Variants in NIPAL1 observed in about 807,000 individuals in gnomAD.
NIPAL1 encodes magnesium transporter NIPA3.
Under a neutral mutation model 37.7 loss-of-function variants are expected in NIPAL1, and 35 were observed. The ratio of observed to expected loss-of-function variants is 0.93; its 90% confidence interval spans 0.71 to 1.23. The LOEUF (loss-of-function observed/expected upper bound fraction) is 1.23, where lower values mean the gene tolerates loss of function less well. NIPAL1 is among the 50% of genes most tolerant of loss of function. The probability of loss-of-function intolerance (pLI) is 0.00; values close to 1 mark genes in which losing one functional copy is unlikely to be tolerated. For missense variants in NIPAL1, 412 were observed against 473.9 expected, an observed-to-expected ratio of 0.87 and a Z score of 1.21; for synonymous variants, 162 against 183.0, an observed-to-expected ratio of 0.89 and a Z score of 0.93.
intron 1 of NIPAL1, among the ~76,000 whole-genome samples, chr4:48,024,305 G>A (rs187470799): frequency 2.0e-5 from 3 of 151,918 alleles, no homozygotes; most frequent in Admixed American, 6.6e-5. Flanking sequence ...TTTCGAGACA[G>A]GGTCTTGCTG....
chr4:48,019,215 GTTGACCAGGCTGGTC>G (rs1439366495), intron 1 of NIPAL1, among the ~76,000 whole-genome samples: 1 of 152,108 alleles, frequency 6.6e-6, no homozygotes. Flanking sequence ...GTTTCACTGT[GTTGACCAGGCTGGTC>G]TTGAACTCCT....
Position 48,017,249 on chromosome 4 carries a change from T to A in NIPAL1, c.46+364T>A, listed in dbSNP as rs559421974. Among the ~76,000 whole-genome samples the A allele has an allele frequency of 6.2e-4, 95 of 152,232 alleles. 1 individual carries two copies. In the South Asian group the frequency reaches 0.012, roughly 20 times the overall value. ...GAAGGACGTTTCCTCTGACTCAGGC[T>A]CCCTTCCAGAGTCTGCGGCCGACGT... On this transcript the variant is annotated intron_variant, in intron 1 of 5. Transcript: ENST00000295461.
chr4:48,023,856 C>A (rs1257006169), intron 1 of NIPAL1, among the ~76,000 whole-genome samples: 2 of 151,934 alleles, frequency 1.3e-5, no homozygotes, highest in African/African-American at 4.8e-5. Flanking sequence ...GATTAACAGA[C>A]CTGAAAAATC....
chr4:48,035,540 A>G, intron 5 of NIPAL1, 22 bp from the exon 6 acceptor site: 2 of 1,585,450 alleles, frequency 1.3e-6, no homozygotes, highest in Non-Finnish European at 1.7e-6. Context: ...TCTAAAGTCA[A>G]ATTCTTTTCT....
At chr4:48,026,875 C>G (rs772528749) in intron 2 of NIPAL1, among the ~76,000 whole-genome samples, 3 of 151,872 alleles carry the variant, frequency 2.0e-5, no homozygotes, top group Non-Finnish European at 4.4e-5. Context: ...TGCACCATCA[C>G]GCCCAGCTAA....
intron 3 of NIPAL1, among the ~76,000 whole-genome samples, chr4:48,032,084 C>A (rs1715833687): frequency 6.6e-6 from 1 of 152,136 alleles, no homozygotes; most frequent in Admixed American, 6.5e-5. Flanking sequence ...TTATTCTGTT[C>A]TGTAAATTTA....
rs575186711 is a variant in NIPAL1, at chr4:48,037,914, A to G, written c.*1742A>G. 6.6e-6 allele frequency: 1 copy of G among 152,176 alleles called. No homozygotes were observed. The highest frequency in any genetic ancestry group is 2.1e-4 in the South Asian group (1 of 4,812). 9.4% of individuals were successfully genotyped at this position (152,176 alleles called of 1,614,324 possible). On this transcript the variant is annotated 3_prime_UTR_variant, in exon 6 of 6. Coordinates refer to ENST00000295461, the MANE Select transcript of NIPAL1 (RefSeq NM_207330.3). ...TATTTTTCTCAAAACAAAAATCCTAACCAAAAAGTTGTCATTAAAAAAAAA... is the reference window on the plus strand; with the variant it reads ...TATTTTTCTCAAAACAAAAATCCTAGCCAAAAAGTTGTCATTAAAAAAAAA...
intron 3 of NIPAL1, among the ~76,000 whole-genome samples, chr4:48,031,358 G>A (rs534160227): frequency 6.6e-6 from 1 of 152,076 alleles, no homozygotes; most frequent in Non-Finnish European, 1.5e-5. Flanking sequence ...ACCACGCCCG[G>A]CCACCCCTTC....
chr4:48,024,807 T>G (rs1185395205), intron 1 of NIPAL1, among the ~76,000 whole-genome samples: 1 of 147,374 alleles, frequency 6.8e-6, no homozygotes, highest in Non-Finnish European at 1.5e-5. Context: ...CAGATCGAAT[T>G]TATAGGGGGA....
At chr4:48,029,753 T>TA (rs1461067851) in intron 2 of NIPAL1, among the ~76,000 whole-genome samples, 2 of 152,298 alleles carry the variant, frequency 1.3e-5, no homozygotes, top group South Asian at 2.1e-4. Context: ...TAAAGTTCTT[T>TA]AAAAAATGCA....
At chr4:48,029,965 CT>C in intron 2 of NIPAL1, among the ~76,000 whole-genome samples, 154 bp from the exon 3 acceptor site, 1 of 152,276 alleles carries the variant, frequency 6.6e-6, no homozygotes, top group Non-Finnish European at 1.5e-5. Context: ...TTTAGAAGAG[CT>C]TTGGAAATGA....
chr4:48,030,262 G>A, intron 3 of NIPAL1, 86 bp downstream of exon 3: 1 of 833,154 alleles, frequency 1.2e-6, no homozygotes, highest in Non-Finnish European at 2.0e-6. Context: ...TAATCTTCCT[G>A]TCAAGAATGG....
At chr4:48,023,208 C>T (rs1715615844) in intron 1 of NIPAL1, among the ~76,000 whole-genome samples, 1 of 152,092 alleles carries the variant, frequency 6.6e-6, no homozygotes, top group African/African-American at 2.4e-5. Flanking sequence ...CCATGTCCAA[C>T]TATTCTGGAT....
At chr4:48,034,250 A>G (rs1290029499) in intron 4 of NIPAL1, among the ~76,000 whole-genome samples, 1 of 152,246 alleles carries the variant, frequency 6.6e-6, no homozygotes, top group East Asian at 1.9e-4. Flanking sequence ...CATGTGGCCC[A>G]GGACGGCTTG....
rs1715722235 is a variant in NIPAL1, at chr4:48,027,645, T to G, written c.313+2311T>G. On this transcript the variant is annotated intron_variant, in intron 2 of 5. Coordinates refer to ENST00000295461, the MANE Select transcript of NIPAL1 (RefSeq NM_207330.3). The surrounding 1 kb of genome is among the most constrained non-coding windows in gnomAD (Gnocchi z 4.1). Reference sequence around the variant, plus strand: ...TTATAACAAAATCAATTAGGTCAAATGCAGAGGGCTAAGTATATTAAAATT... The same window carrying G: ...TTATAACAAAATCAATTAGGTCAAAGGCAGAGGGCTAAGTATATTAAAATT... Among the ~76,000 whole-genome samples, 1 of 152,228 alleles carries G rather than the reference T, an allele frequency of 6.6e-6. No individual in the cohort carries two copies. The highest frequency in any genetic ancestry group is 1.5e-5 in the Non-Finnish European group (1 of 68,026).
At chr4:48,025,676 T>G (rs1192974868) in intron 2 of NIPAL1, among the ~76,000 whole-genome samples, 1 of 152,156 alleles carries the variant, frequency 6.6e-6, no homozygotes, top group Non-Finnish European at 1.5e-5. Flanking sequence ...AATGAGCAAG[T>G]AAACCTGTCA....
chr4:48,032,794 A>G (rs1177180748), intron 3 of NIPAL1, among the ~76,000 whole-genome samples, 199 bp from the exon 4 acceptor site: 1 of 152,182 alleles, frequency 6.6e-6, no homozygotes, highest in Non-Finnish European at 1.5e-5. Flanking sequence ...TTTTGAGTTT[A>G]TCACCTGGTA....
intron 1 of NIPAL1, among the ~76,000 whole-genome samples, chr4:48,018,775 C>T (rs973661811): frequency 6.6e-6 from 1 of 152,196 alleles, no homozygotes; most frequent in African/African-American, 2.4e-5. Flanking sequence ...GGTTCCTGCT[C>T]TCAGGCACCT....
In NIPAL1 at chr4:48,025,321, C is replaced by CTTT; in HGVS notation, c.301_303dup (p.Phe101dup). 6.2e-7 allele frequency: 1 copy of CTTT among 1,613,878 alleles called. No individual in the cohort carries two copies. Among genetic ancestry groups the CTTT allele is most frequent in the Non-Finnish European group, 8.5e-7 (1 of 1,179,954 alleles). ...GCCTCTTGCAACTGGCCAGCAAGGG[C>CTTT]TTTACTAGAGCTGGTAAGAAACACA... On this transcript the variant is annotated inframe_insertion, in exon 2 of 6. Coordinates refer to ENST00000295461, the MANE Select transcript of NIPAL1 (RefSeq NM_207330.3).
Sources: gnomAD v4.1 joint callset for allele counts (sites outside exome capture counted in the v4.1 genomes callset) on GRCh38, gnomAD v4.1.1 for gene constraint, Gnocchi (gnomAD v3.1) non-coding constraint, MANE v1.5 for transcripts, NCBI Gene and HGNC (gene_info 2026-07-23, HGNC 2026-07-21) for gene names.